Variants in SORCS2 observed in about 807,000 individuals in gnomAD.
SORCS2 encodes sortilin related VPS10 domain containing receptor 2, also known as VPS10 domain-containing receptor SorCS2.
A neutral mutation model predicts 141.6 loss-of-function variants in SORCS2; 100 were observed. That is an observed-to-expected ratio of 0.71 (90% CI 0.60 to 0.83). SORCS2 has a LOEUF of 0.83. SORCS2 is among the 40% of genes least tolerant of loss of function. The pLI is 0.00. For missense variants in SORCS2, 1,646 were observed against 1,560.2 expected, an observed-to-expected ratio of 1.05 and a Z score of -0.93; for synonymous variants, 789 against 676.9, an observed-to-expected ratio of 1.17 and a Z score of -2.57.
chr4:7,320,250 C>T (rs983762778), intron 1 of SORCS2, among the ~76,000 whole-genome samples: 2 of 152,194 alleles, frequency 1.3e-5, no homozygotes, highest in African/African-American at 4.8e-5. Context: ...AAATCAAACG[C>T]TGGGGAACAC....
chr4:7,524,470 G>C (rs762219861), intron 2 of SORCS2, among the ~76,000 whole-genome samples: 1 of 152,086 alleles, frequency 6.6e-6, no homozygotes, highest in African/African-American at 2.4e-5. Context: ...CTCAACTCAC[G>C]CCCTGGCCCT....
At chr4:7,645,013 G>T (rs1415224600) in intron 4 of SORCS2, among the ~76,000 whole-genome samples, 1 of 152,324 alleles carries the variant, frequency 6.6e-6, no homozygotes, top group Middle Eastern at 3.4e-3. Context: ...AGTTGGAAAG[G>T]CTTCATAAAG....
intron 2 of SORCS2, among the ~76,000 whole-genome samples, chr4:7,464,302 T>C (rs1729481203): frequency 6.6e-6 from 1 of 152,120 alleles, no homozygotes; most frequent in Admixed American, 6.5e-5. Context: ...GGTGGGCTCT[T>C]TTGTGATGGA....
intron 3 of SORCS2, among the ~76,000 whole-genome samples, chr4:7,539,335 C>T (rs1031574468): frequency 6.6e-6 from 1 of 152,220 alleles, no homozygotes; most frequent in Non-Finnish European, 1.5e-5. Context: ...GTGGTACCAC[C>T]TGCTCTCCAG....
Position 7,725,228 on chromosome 4 carries a change from C to T in SORCS2, c.2686C>T (p.Leu896=). Residue 896 remains leucine, a synonymous_variant, in exon 20 of 27, where the codon CTG becomes TTG. Coordinates refer to ENST00000507866, the MANE Select transcript of SORCS2 (RefSeq NM_020777.3). Reference sequence around the variant, plus strand: ...CCAGGAGGTGAACCTCACAGCTGTGCTGCTTCCCTTGAACCCTAACCTCAC... The same window carrying T: ...CCAGGAGGTGAACCTCACAGCTGTGTTGCTTCCCTTGAACCCTAACCTCAC... ...LNQEVNLTAV[L]LPLNPNLTVF... 9 of 1,613,622 alleles carry T rather than the reference C, an allele frequency of 5.6e-6. No individual in the cohort carries two copies. Among genetic ancestry groups the T allele is most frequent in the Non-Finnish European group, 7.6e-6 (9 of 1,179,656 alleles).
At chr4:7,568,143 C>T (rs181754491) in intron 3 of SORCS2, among the ~76,000 whole-genome samples, 18 of 152,298 alleles carry the variant, frequency 1.2e-4, no homozygotes, top group African/African-American at 4.3e-4. Context: ...TGCTAGGCAA[C>T]ATCCCTAATT....
intron 2 of SORCS2, among the ~76,000 whole-genome samples, chr4:7,520,815 G>A (rs571505461): frequency 1.3e-5 from 2 of 152,232 alleles, no homozygotes; most frequent in Non-Finnish European, 2.9e-5. Flanking sequence ...GTAACGCACA[G>A]GTGAAATGAC....
At chr4:7,632,802 A>G (rs529265920) in intron 3 of SORCS2, among the ~76,000 whole-genome samples, 3 of 152,310 alleles carry the variant, frequency 2.0e-5, no homozygotes, top group Non-Finnish European at 4.4e-5. Context: ...TGGCAGCAGA[A>G]GCAGACCCAC....
chr4:7,409,044 C>T (rs1027845457), intron 2 of SORCS2, among the ~76,000 whole-genome samples: 11 of 152,196 alleles, frequency 7.2e-5, no homozygotes, highest in African/African-American at 2.4e-4. Flanking sequence ...AAGGAGCTCA[C>T]GTATCATCAT....
rs1009349271 is a variant in SORCS2, at chr4:7,667,118, G to T, written c.1072-6G>T. ...CTCTCAAAAATGTGTTTCTTCCCCCGGTTAGGCAACATCAGCAAACCAGAC... is the reference window on the plus strand; with the variant it reads ...CTCTCAAAAATGTGTTTCTTCCCCCTGTTAGGCAACATCAGCAAACCAGAC... On this transcript the variant is annotated splice_region_variant and splice_polypyrimidine_tract_variant and intron_variant, in intron 7 of 26. Coordinates refer to ENST00000507866, the MANE Select transcript of SORCS2 (RefSeq NM_020777.3). The T allele has an allele frequency of 6.2e-7, 1 of 1,611,334 alleles. No individual in the cohort carries two copies. Among genetic ancestry groups the T allele is most frequent in the Non-Finnish European group, 8.5e-7 (1 of 1,177,666 alleles).
At chr4:7,392,243 G>A (rs990466138) in intron 1 of SORCS2, among the ~76,000 whole-genome samples, 1 of 152,194 alleles carries the variant, frequency 6.6e-6, no homozygotes, top group African/African-American at 2.4e-5. Context: ...TCCCCTGAGG[G>A]TTAGGATGGG....
At chr4:7,241,239 C>T (rs1712674435) in intron 1 of SORCS2, among the ~76,000 whole-genome samples, 1 of 152,172 alleles carries the variant, frequency 6.6e-6, no homozygotes, top group South Asian at 2.1e-4. Context: ...TCACTAAAGG[C>T]CCCCATTTCC....
chr4:7,539,153 C>A (rs1047956713), intron 3 of SORCS2, among the ~76,000 whole-genome samples: 1 of 152,200 alleles, frequency 6.6e-6, no homozygotes, highest in Non-Finnish European at 1.5e-5. Flanking sequence ...CACCACCCCC[C>A]AAAGCCTTCC....
intron 25 of SORCS2, 56 bp downstream of exon 25, chr4:7,734,430 C>A: frequency 1.6e-6 from 2 of 1,225,144 alleles, no homozygotes; most frequent in Non-Finnish European, 2.2e-6. Context: ...CCGTAGGAAG[C>A]CAGGCCCAAC....
rs2109289617 is a variant in SORCS2 at position 7,450,088 on chromosome 4, G to A, written c.548+53733G>A. ...GGGTCCCAGGATGGATGTGGGCAAG[G>A]CCCTTGGTGCCTTCGGGACCTGGGC... is the stretch of plus-strand genomic sequence containing the variant. On this transcript the variant is annotated intron_variant, in intron 2 of 26. Coordinates refer to ENST00000507866, the MANE Select transcript of SORCS2 (RefSeq NM_020777.3). Among the ~76,000 whole-genome samples, 3 of 152,356 alleles carry A rather than the reference G, an allele frequency of 2.0e-5. No homozygotes were observed. In the South Asian group the frequency reaches 6.2e-4, roughly 32 times the overall value.
intron 3 of SORCS2, among the ~76,000 whole-genome samples, chr4:7,547,864 T>C (rs11938891): frequency 0.96 from 146,642 of 152,250 alleles, 70,850 homozygotes; most frequent in East Asian, 1. Flanking sequence ...GGAACATCAA[T>C]TTGAACAAAC....
chr4:7,430,683 ATC>A (rs1726782299), intron 2 of SORCS2: 1 of 152,182 alleles, frequency 6.6e-6, no homozygotes, highest in Non-Finnish European at 1.5e-5. Flanking sequence ...CATGCTCAAC[ATC>A]TGTCTTGATT....
chr4:7,436,519 C>G (rs1727311934), intron 2 of SORCS2, among the ~76,000 whole-genome samples: 1 of 152,232 alleles, frequency 6.6e-6, no homozygotes, highest in African/African-American at 2.4e-5. Context: ...GGGTGCGACC[C>G]AGGAGGCCAG....
intron 1 of SORCS2, among the ~76,000 whole-genome samples, chr4:7,279,538 A>T (rs2108856562): frequency 6.6e-6 from 1 of 152,316 alleles, no homozygotes; most frequent in Non-Finnish European, 1.5e-5. Flanking sequence ...TGATGGCTTC[A>T]TCCCCAAGCC....
Sources: gnomAD v4.1 joint callset for allele counts (sites outside exome capture counted in the v4.1 genomes callset) on GRCh38, gnomAD v4.1.1 for gene constraint, MANE v1.5 for transcripts, NCBI Gene and HGNC (gene_info 2026-07-23, HGNC 2026-07-21) for gene names.